PM20D2: variants seen among roughly 807,000 people sequenced by gnomAD.
The protein encoded by PM20D2 is xaa-Arg dipeptidase.
In PM20D2, 33 loss-of-function variants were observed where a neutral mutation model predicts 42.9. That is an observed-to-expected ratio of 0.77 (90% CI 0.58 to 1.03). PM20D2 has a LOEUF of 1.03. PM20D2 is among the 50% of genes least tolerant of loss of function. The pLI, the probability that PM20D2 is intolerant of heterozygous loss-of-function variation, is 0.00. For synonymous variants in PM20D2, 250 were observed against 228.2 expected, an observed-to-expected ratio of 1.10 and a Z score of -0.86; for missense variants, 548 against 557.0, an observed-to-expected ratio of 0.98 and a Z score of 0.16.
intron 2 of PM20D2, 74 bp downstream of exon 2, chr6:89,149,487 A>G: frequency 6.7e-7 from 1 of 1,490,820 alleles, no homozygotes. Context: ...TAAACCAGAG[A>G]CGAAAACTCC....
chr6:89,098,087 G>GT, the PM20D2 span: 1 of 152,578 alleles, frequency 6.6e-6, no homozygotes, highest in Non-Finnish European at 1.5e-5. Context: ...TCAGAATTTT[G>GT]TAATATGAAC....
At chr6:89,098,154 T>G in the PM20D2 span, 1 of 153,016 alleles carries the variant, frequency 6.5e-6, no homozygotes, top group Non-Finnish European at 1.5e-5. Context: ...GAGACATAGG[T>G]GTCAAACAGC....
chr6:89,101,488 G>A, the PM20D2 span, among the ~76,000 whole-genome samples: 4 of 152,132 alleles, frequency 2.6e-5, no homozygotes, highest in Non-Finnish European at 4.4e-5. Context: ...TTGGGAGGCT[G>A]AGGCAGGTGG....
intron 1 of PM20D2, among the ~76,000 whole-genome samples, chr6:89,148,341 A>G (rs1770682564): frequency 6.6e-6 from 1 of 152,194 alleles, no homozygotes; most frequent in Non-Finnish European, 1.5e-5. Flanking sequence ...AATTATCTGA[A>G]AATGGAATTT....
intron 1 of PM20D2, among the ~76,000 whole-genome samples, chr6:89,148,113 G>T (rs1770672592): frequency 6.7e-6 from 1 of 150,336 alleles, no homozygotes; most frequent in Admixed American, 6.7e-5. Flanking sequence ...CCTGAGCTGG[G>T]ATTACAGGTG....
the PM20D2 span, among the ~76,000 whole-genome samples, chr6:89,116,217 C>T: frequency 1.8e-3 from 268 of 152,318 alleles, no homozygotes; most frequent in Non-Finnish European, 3.1e-3. Flanking sequence ...CCCCGGCTGG[C>T]CCCTGTGAAC....
chr6:89,107,706 A>G, the PM20D2 span, among the ~76,000 whole-genome samples: 1 of 152,058 alleles, frequency 6.6e-6, no homozygotes, highest in Non-Finnish European at 1.5e-5. Context: ...ACTGCACTCC[A>G]TCCAGCCTGG....
chr6:89,100,417 A>G, the PM20D2 span, among the ~76,000 whole-genome samples: 1 of 152,202 alleles, frequency 6.6e-6, no homozygotes, highest in Non-Finnish European at 1.5e-5. Flanking sequence ...CCTTAAGATC[A>G]AAGTGATCTG....
chr6:89,112,152 G>C, the PM20D2 span, among the ~76,000 whole-genome samples: 1 of 152,020 alleles, frequency 6.6e-6, no homozygotes, highest in Admixed American at 6.5e-5. Flanking sequence ...GGATCCTCAG[G>C]TGAACCGCCC....
the PM20D2 span, among the ~76,000 whole-genome samples, chr6:89,123,235 GAAAA>G: frequency 6.6e-6 from 1 of 152,122 alleles, no homozygotes; most frequent in South Asian, 2.1e-4. Flanking sequence ...AACTGGGGAT[GAAAA>G]TAGAAGTTAT....
upstream of PM20D2, chr6:89,146,050 G>T (rs189810687): frequency 9.6e-4 from 1,066 of 1,110,862 alleles, 8 homozygotes; most frequent in African/African-American, 0.016. Context: ...CGCTCCGCCG[G>T]GGTCCTGGAG....
chr6:89,112,292 C>G, the PM20D2 span, among the ~76,000 whole-genome samples: 1 of 152,108 alleles, frequency 6.6e-6, no homozygotes, highest in African/African-American at 2.4e-5. Flanking sequence ...ATTCACAAAG[C>G]CTTTTAGTGT....
chr6:89,104,983 G>T, the PM20D2 span: 1 of 790,412 alleles, frequency 1.3e-6, no homozygotes, highest in Non-Finnish European at 1.8e-6. Flanking sequence ...TTGAGTCTAG[G>T]AGGTCAAGTC....
Position 89,155,306 on chromosome 6 carries a change from C to G in PM20D2, c.912+404C>G, listed in dbSNP as rs1771003823. 3.9e-5 allele frequency among the ~76,000 whole-genome samples: 4 copies of G among 102,578 alleles called. 1 individual carries two copies. Among genetic ancestry groups the G allele is most frequent in the South Asian group, 3.6e-4 (1 of 2,808 alleles). The allele number at this position is 102,578 out of a possible 152,430, so 67.3% of individuals were successfully genotyped here. ...TTTTTGGTGGGGGGACAGGGTGTTG[C>G]TCTATTGCCCAGGCTGGAGTTGCAG... On this transcript the variant is annotated intron_variant, in intron 4 of 6. Transcript: ENST00000275072.
chr6:89,123,738 A>T, the PM20D2 span, among the ~76,000 whole-genome samples: 1 of 147,046 alleles, frequency 6.8e-6, no homozygotes, highest in East Asian at 2.0e-4. Flanking sequence ...AAAAAAAAAA[A>T]GGTTTATAGA....
intron 4 of PM20D2, among the ~76,000 whole-genome samples, chr6:89,157,229 C>A (rs1771080335): frequency 6.6e-6 from 1 of 152,068 alleles, no homozygotes; most frequent in African/African-American, 2.4e-5. Flanking sequence ...CCTTGCCTGG[C>A]CTAAATCTAT....
chr6:89,103,991 C>CTTTTTTTTTTT, the PM20D2 span, among the ~76,000 whole-genome samples: 8 of 81,964 alleles, frequency 9.8e-5, 1 homozygote, highest in African/African-American at 3.3e-4. Context: ...TATTATATTT[C>CTTTTTTTTTTT]TTTTTTTTTT....
the PM20D2 span, chr6:89,105,619 G>A: frequency 1.1e-6 from 1 of 941,396 alleles, no homozygotes; most frequent in Non-Finnish European, 1.5e-6. Context: ...AAATTAATAG[G>A]AAAATCAAGT....
At chr6:89,154,371 A>G (rs1013366194) in intron 3 of PM20D2, among the ~76,000 whole-genome samples, 9 of 152,158 alleles carry the variant, frequency 5.9e-5, no homozygotes, top group African/African-American at 2.2e-4. Flanking sequence ...TATGAGGGTA[A>G]TTATAGAACC....
Sources: allele counts gnomAD v4.1 joint callset (sites outside exome capture counted in the v4.1 genomes callset), GRCh38; gene constraint gnomAD v4.1.1; transcripts MANE v1.5; gene names NCBI Gene and HGNC (gene_info 2026-07-23, HGNC 2026-07-21).